The following FMN2 variants were observed in gnomAD, a reference collection of about 807,000 sequenced individuals.
The protein encoded by FMN2 is formin-2.
A neutral mutation model predicts 142.3 loss-of-function variants in FMN2; 51 were observed. That is an observed-to-expected ratio of 0.36 (90% CI 0.29 to 0.45). The LOEUF is 0.45. FMN2 is among the 20% of genes least tolerant of loss of function. FMN2 has a pLI of 1.00. For missense variants in FMN2, 1,936 were observed against 2,122.8 expected (o/e 0.91, Z 1.73); for synonymous variants, 882 against 869.8 (o/e 1.01, Z -0.25).
intron 7 of FMN2, chr1:240,285,244 A>G: frequency 2.2e-6 from 1 of 455,534 alleles, no homozygotes; most frequent in South Asian, 1.5e-5. Context: ...TGAAGCCAAC[A>G]CGATTCATGA....
At chr1:240,151,856 T>C (rs1663790546) in intron 2 of FMN2, among the ~76,000 whole-genome samples, 1 of 152,064 alleles carries the variant, frequency 6.6e-6, no homozygotes, top group Non-Finnish European at 1.5e-5. Flanking sequence ...AGCCACAAAC[T>C]CCTAGGTTCA....
intron 2 of FMN2, among the ~76,000 whole-genome samples, chr1:240,175,720 GT>G (rs1249434446): frequency 7.1e-6 from 1 of 141,454 alleles, no homozygotes; most frequent in African/African-American, 2.6e-5. Flanking sequence ...TGTTGTTGTT[GT>G]TTGTTTGTTT....
intron 16 of FMN2, among the ~76,000 whole-genome samples, chr1:240,439,279 A>AAAAGAAAGAAAG (rs1553265377): frequency 4.0e-5 from 5 of 124,744 alleles, no homozygotes; most frequent in Non-Finnish European, 4.8e-5. Context: ...TCAAAAAAAA[A>AAAAGAAAGAAAG]AAAGAAAGAA....
At chr1:240,202,426 C>A (rs1282015498) in intron 4 of FMN2, among the ~76,000 whole-genome samples, 1 of 152,072 alleles carries the variant, frequency 6.6e-6, no homozygotes, top group East Asian at 1.9e-4. Context: ...GGGCAGAAAT[C>A]CATGTAGAAA....
At chr1:240,156,868 T>C (rs1026167793) in intron 2 of FMN2, among the ~76,000 whole-genome samples, 3 of 152,148 alleles carry the variant, frequency 2.0e-5, no homozygotes, top group Non-Finnish European at 4.4e-5. Context: ...TGAATTATAA[T>C]ATACAGGAAA....
chr1:240,310,681 A>AT, intron 8 of FMN2, among the ~76,000 whole-genome samples: 1 of 152,340 alleles, frequency 6.6e-6, no homozygotes, highest in East Asian at 1.9e-4. Context: ...TTGGTTAACT[A>AT]TATCTATTGC....
chr1:240,155,848 T>C (rs932758032), intron 2 of FMN2, among the ~76,000 whole-genome samples: 2 of 148,430 alleles, frequency 1.3e-5, no homozygotes, highest in African/African-American at 5.2e-5. Flanking sequence ...AGCTATATCA[T>C]TAAAAAAAAA....
At chr1:240,152,989 A>G (rs1437209738) in intron 2 of FMN2, among the ~76,000 whole-genome samples, 1 of 152,204 alleles carries the variant, frequency 6.6e-6, no homozygotes, top group Non-Finnish European at 1.5e-5. Flanking sequence ...TTCATCTGTA[A>G]GATGAGGAAA....
At chr1:240,381,211 A>G (rs1295285274) in intron 14 of FMN2, among the ~76,000 whole-genome samples, 1 of 152,164 alleles carries the variant, frequency 6.6e-6, no homozygotes, top group Non-Finnish European at 1.5e-5. Flanking sequence ...AACAACAGAA[A>G]CAACAGAAAA....
At chr1:240,380,927 C>CA (rs1485719580) in intron 14 of FMN2, among the ~76,000 whole-genome samples, 1 of 151,938 alleles carries the variant, frequency 6.6e-6, no homozygotes, top group Non-Finnish European at 1.5e-5. Flanking sequence ...CAAAGAAATA[C>CA]AAAAATCATC....
At chr1:240,271,098 G>GCTTTTTTTTT (rs1233218686) in intron 7 of FMN2, among the ~76,000 whole-genome samples, 15 of 72,234 alleles carry the variant, frequency 2.1e-4, no homozygotes, top group African/African-American at 9.9e-4. Context: ...TTCCACGATG[G>GCTTTTTTTTT]TTTTTTTTTT....
At chr1:240,387,692 T>A (rs1420357232) in intron 14 of FMN2, among the ~76,000 whole-genome samples, 1 of 152,350 alleles carries the variant, frequency 6.6e-6, no homozygotes, top group East Asian at 1.9e-4. Flanking sequence ...AGTATATTTT[T>A]AATTCAACAT....
rs562176646 is a variant in FMN2, at chr1:240,447,682, G to A, written c.5060+9472G>A. Among the ~76,000 whole-genome samples, 79 of 152,312 alleles carry A rather than the reference G, an allele frequency of 5.2e-4. 1 individual carries two copies. Among genetic ancestry groups the A allele is most frequent in the African/African-American group, 1.1e-3 (44 of 41,574 alleles). On this transcript the variant is annotated intron_variant, in intron 16 of 17. Transcript: ENST00000319653. Reference sequence around the variant, plus strand: ...ATACGTGGGGCCTGAACGTAGATTCGTCTTTGTGAGGAGCTGGAGTCTTGG... The same window carrying A: ...ATACGTGGGGCCTGAACGTAGATTCATCTTTGTGAGGAGCTGGAGTCTTGG...
chr1:240,239,260 T>C (rs932714448), intron 6 of FMN2, among the ~76,000 whole-genome samples: 1 of 152,204 alleles, frequency 6.6e-6, no homozygotes, highest in Non-Finnish European at 1.5e-5. Flanking sequence ...TTGGCTATTG[T>C]TGGACGAGGA....
intron 2 of FMN2, among the ~76,000 whole-genome samples, chr1:240,159,495 T>C (rs1188025073): frequency 6.6e-6 from 1 of 152,026 alleles, no homozygotes; most frequent in Non-Finnish European, 1.5e-5. Context: ...CAAAATGGGG[T>C]TCCTCACCCA....
At chr1:240,188,823 G>A (rs1315927036) in intron 4 of FMN2, among the ~76,000 whole-genome samples, 1 of 152,174 alleles carries the variant, frequency 6.6e-6, no homozygotes, top group African/African-American at 2.4e-5. Context: ...ACTTCCACAT[G>A]GCTGGGGAGG....
chr1:240,207,689 TC>T lies in FMN2; in HGVS notation c.2880del (p.Ala962GlnfsTer313). 1 of 1,104,608 alleles carries T rather than the reference TC, an allele frequency of 9.1e-7. No homozygotes were observed. Among genetic ancestry groups the T allele is most frequent in the Non-Finnish European group, 1.2e-6 (1 of 802,198 alleles). The allele number at this position is 1,104,608 out of a possible 1,614,324, so 68.4% of individuals were successfully genotyped here. A position where few individuals can be genotyped will look rare whatever the true frequency, so the allele number is the denominator to read the frequency against. ...GAAIPPPPPL[P>X]GAGIPLPPPL... is the part of the protein sequence containing the mutation. ...CGGCAATACCCCCTCCGCCCCCTCT[TC>T]CCGGGGCAGGCATACCCCTTCCTCC... On this transcript the variant is annotated frameshift_variant, in exon 5 of 18. Coordinates refer to ENST00000319653, the MANE Select transcript of FMN2 (RefSeq NM_020066.5). LOFTEE classifies it high-confidence loss of function.
At position 240,328,168 on chromosome 1, in the gene FMN2, A is replaced by AG. The variant is rs1553363684; in HGVS notation, c.4216-908_4216-907insG. Among the ~76,000 whole-genome samples the AG allele has an allele frequency of 6.7e-3, 909 of 135,884 alleles. 14 individuals carry two copies. The highest frequency in any genetic ancestry group is 0.024 in the African/African-American group (867 of 35,928). 89.1% of individuals were successfully genotyped at this position (135,884 alleles called of 152,430 possible). ...ATCTCAAAAAAAAAAAAAAAAAAAA[A>AG]AAAAGAAAAAGAAAATCCAGCAAAA... On this transcript the variant is annotated intron_variant, in intron 8 of 17. Coordinates refer to ENST00000319653, the MANE Select transcript of FMN2 (RefSeq NM_020066.5).
chr1:240,412,804 G>A (rs1674442799), intron 15 of FMN2, among the ~76,000 whole-genome samples: 1 of 152,018 alleles, frequency 6.6e-6, no homozygotes, highest in African/African-American at 2.4e-5. Context: ...ATATGAGTGT[G>A]TCTGGTGAAA....
Sources: gnomAD v4.1 joint callset for allele counts (sites outside exome capture counted in the v4.1 genomes callset) on GRCh38, gnomAD v4.1.1 for gene constraint, MANE v1.5 for transcripts, NCBI Gene and HGNC (gene_info 2026-07-23, HGNC 2026-07-21) for gene names.